The following ARHGEF17 variants were observed in gnomAD, a reference collection of about 807,000 sequenced individuals.
ARHGEF17 encodes Rho guanine nucleotide exchange factor 17.
A neutral mutation model predicts 174.0 loss-of-function variants in ARHGEF17; 80 were observed. The ratio of observed to expected loss-of-function variants is 0.46; its 90% CI spans 0.38 to 0.55. The LOEUF is 0.55. Ranked by LOEUF, ARHGEF17 falls within the 20% of genes least tolerant of loss-of-function variation. ARHGEF17 has a pLI of 0.00. For synonymous variants in ARHGEF17, 1,311 were observed against 1,189.1 expected (o/e 1.10, Z -2.11); for missense variants, 2,886 against 2,839.7 (o/e 1.02, Z -0.37).
At chr11:73,357,498 T>C (rs1865665107) in intron 9 of ARHGEF17, among the ~76,000 whole-genome samples, 171 bp downstream of exon 9, 1 of 152,188 alleles carries the variant, frequency 6.6e-6, no homozygotes, top group African/African-American at 2.4e-5. Flanking sequence ...TTGGCACCCA[T>C]GGAGCCAGAC....
rs746234550 is a variant in ARHGEF17, at chr11:73,310,228, G to A, written c.1590G>A (p.Thr530=). Residue 530 remains threonine, a synonymous_variant, in exon 1 of 21, where the codon ACG becomes ACA. Transcript: ENST00000263674. The part of the protein sequence containing the change: ...IPIPAPASPG[T]RPTLKDLTAT... ...TCCCAGCCCCAGCATCACCTGGCAC[G>A]CGCCCCACACTCAAGGACTTGACAG... 5.0e-6 allele frequency: 8 copies of A among 1,613,862 alleles called. No homozygotes were observed. In the East Asian group the frequency reaches 1.1e-4, roughly 22 times the overall value.
chr11:73,330,192 C>G (rs1052853668), intron 1 of ARHGEF17, among the ~76,000 whole-genome samples: 1 of 152,130 alleles, frequency 6.6e-6, no homozygotes, highest in African/African-American at 2.4e-5. Context: ...ATATGAGTTG[C>G]AAATATTTTT....
intron 2 of ARHGEF17, among the ~76,000 whole-genome samples, chr11:73,347,610 C>T (rs1425674030): frequency 1.3e-5 from 2 of 152,218 alleles, no homozygotes; most frequent in South Asian, 2.1e-4. Flanking sequence ...CAGAGCACAA[C>T]GCGCTGGTCC....
intron 1 of ARHGEF17, among the ~76,000 whole-genome samples, chr11:73,316,831 G>C (rs1187732806): frequency 6.6e-6 from 1 of 152,202 alleles, no homozygotes; most frequent in Non-Finnish European, 1.5e-5. Flanking sequence ...TGCTCTGGCT[G>C]CTCCATGTGG....
chr11:73,336,964 G>A (rs1231871961), intron 1 of ARHGEF17, among the ~76,000 whole-genome samples: 1 of 152,272 alleles, frequency 6.6e-6, no homozygotes, highest in Non-Finnish European at 1.5e-5. Context: ...AGCAAGCCAA[G>A]AGAGCAAGAT....
chr11:73,322,522 T>C (rs1274015647), intron 1 of ARHGEF17, among the ~76,000 whole-genome samples: 1 of 152,088 alleles, frequency 6.6e-6, no homozygotes, highest in East Asian at 1.9e-4. Context: ...CCTCACACTG[T>C]AAGGGGTCAC....
At chr11:73,345,791 A>C (rs1865450774) in intron 1 of ARHGEF17, among the ~76,000 whole-genome samples, 1 of 152,198 alleles carries the variant, frequency 6.6e-6, no homozygotes, top group Non-Finnish European at 1.5e-5. Flanking sequence ...AGAGGAGAAT[A>C]ACCCAGAGAT....
chr11:73,334,613 C>T (rs1462893046), intron 1 of ARHGEF17, among the ~76,000 whole-genome samples: 3 of 152,140 alleles, frequency 2.0e-5, no homozygotes, highest in African/African-American at 7.2e-5. Flanking sequence ...AGGCTCTGGC[C>T]CCCTCCTTCC....
In ARHGEF17 at chr11:73,359,903, C is replaced by T. The variant is rs1790069; in HGVS notation, c.4157C>T (p.Thr1386Ile). 1.9e-6 allele frequency: 3 copies of T among 1,613,428 alleles called. No homozygotes were observed. Among genetic ancestry groups the T allele is most frequent in the East Asian group, 4.5e-5 (2 of 44,884 alleles). The part of the protein sequence containing the change: ...AISRLDEDLT[T>I]LGQMSKLSES... ...AGCCGCCTTGATGAGGACCTCACCA[C>T]CCTGGGCCAAATGAGCAAGCTCTCT... The change falls in exon 10 of 21, where the codon ACC becomes ATC. Residue 1386 changes from threonine (T) to isoleucine (I), a missense_variant. This residue lies in a region of ARHGEF17 where 353 missense variants were observed against 470.3 expected (regional missense o/e 0.75). Coordinates refer to ENST00000263674, the MANE Select transcript of ARHGEF17 (RefSeq NM_014786.4).
At chr11:73,354,307 G>T (rs913750815) in intron 3 of ARHGEF17, among the ~76,000 whole-genome samples, 52 of 152,346 alleles carry the variant, frequency 3.4e-4, no homozygotes, top group African/African-American at 9.9e-4. Flanking sequence ...GGAGGGGTCA[G>T]CACAGGATGC....
chr11:73,325,459 C>T (rs1010424558), intron 1 of ARHGEF17, among the ~76,000 whole-genome samples: 3 of 152,172 alleles, frequency 2.0e-5, no homozygotes, highest in Admixed American at 6.5e-5. Context: ...CCAACAGTTC[C>T]CACACTGTGG....
chr11:73,321,334 G>C (rs970351077), intron 1 of ARHGEF17, among the ~76,000 whole-genome samples: 3 of 152,224 alleles, frequency 2.0e-5, no homozygotes, highest in Admixed American at 6.5e-5. Context: ...CCCACACGGG[G>C]AGGAGAGCAG....
rs1460936648 is a variant in ARHGEF17 at position 73,360,526 on chromosome 11, G to A, written c.4413G>A (p.Arg1471=). 3 of 1,613,806 alleles carry A rather than the reference G, an allele frequency of 1.9e-6. No individual in the cohort carries two copies. Among genetic ancestry groups the A allele is most frequent in the South Asian group, 1.1e-5 (1 of 91,084 alleles). ...AACAGGCCTTCGATGAGGCCAAGAGGAAGCTGGGTAAGCCAAGGCACATGT... is the reference window on the plus strand; with the variant it reads ...AACAGGCCTTCGATGAGGCCAAGAGAAAGCTGGGTAAGCCAAGGCACATGT... ...GFEQAFDEAK[R]KLASSKSCLD... is the part of the protein sequence containing the mutation. The change falls in exon 11 of 21, where the codon AGG becomes AGA. Residue 1471 remains arginine, a synonymous_variant. Coordinates refer to ENST00000263674, the MANE Select transcript of ARHGEF17 (RefSeq NM_014786.4).
intron 20 of ARHGEF17, 84 bp downstream of exon 20, chr11:73,366,031 A>G (rs897546258): frequency 6.6e-7 from 1 of 1,511,612 alleles, no homozygotes; most frequent in Non-Finnish European, 8.9e-7. Context: ...AGAGCTTTCA[A>G]GAGGGAGGAA....
chr11:73,351,599 C>CTTAT (rs762927231), intron 2 of ARHGEF17, among the ~76,000 whole-genome samples: 10 of 152,124 alleles, frequency 6.6e-5, no homozygotes, highest in East Asian at 1.9e-4. Flanking sequence ...CCATTATCGC[C>CTTAT]TTATTTATTT....
In ARHGEF17 at chr11:73,310,024, G is replaced by A; in HGVS notation, c.1386G>A (p.Leu462=). 1 of 1,614,186 alleles carries A rather than the reference G, an allele frequency of 6.2e-7. No homozygotes were observed. Among genetic ancestry groups the A allele is most frequent in the African/African-American group, 1.3e-5 (1 of 75,052 alleles). Residue 462 remains leucine (L), a synonymous_variant, in exon 1 of 21, where the codon CTG becomes CTA. Transcript: ENST00000263674. ...EPEKSRQRKS[L]SNPDIASETL... ...AAAAGAGTCGACAGCGGAAGTCCCTGTCAAATCCAGATATCGCCTCAGAGA... is the reference window on the plus strand; with the variant it reads ...AAAAGAGTCGACAGCGGAAGTCCCTATCAAATCCAGATATCGCCTCAGAGA...
rs932851367 is a variant in ARHGEF17 at position 73,358,292 on chromosome 11, A to G, written c.4087+965A>G. On this transcript the variant is annotated intron_variant, in intron 9 of 20. Transcript: ENST00000263674. ...CGTTGAGGAGGCTGGGAAGGCCAAG[A>G]TGAGGGTGCCAGCAGAACTGCAAGG... Among the ~76,000 whole-genome samples, 78 of 152,298 alleles carry G rather than the reference A, an allele frequency of 5.1e-4. 1 individual carries two copies. The highest frequency in any genetic ancestry group is 1.7e-3 in the African/African-American group (72 of 41,566).
chr11:73,346,803 C>G (rs1865468485), intron 1 of ARHGEF17, 80 bp from the exon 2 acceptor site: 1 of 1,181,260 alleles, frequency 8.5e-7, no homozygotes, highest in Non-Finnish European at 1.1e-6. Context: ...TGGGCGGGTT[C>G]TCTGGGCACC....
chr11:73,358,389 C>T (rs1315507302), intron 9 of ARHGEF17, among the ~76,000 whole-genome samples: 2 of 151,610 alleles, frequency 1.3e-5, no homozygotes, highest in Non-Finnish European at 2.9e-5. Flanking sequence ...GCCCCTTTAT[C>T]GGCACAAATC....
Sources: allele counts gnomAD v4.1 joint callset (sites outside exome capture counted in the v4.1 genomes callset), GRCh38; gene constraint gnomAD v4.1.1; regional missense constraint gnomAD v4.1.1; transcripts MANE v1.5; gene names NCBI Gene and HGNC (gene_info 2026-07-23, HGNC 2026-07-21).